The following CSTF3 variants were observed in gnomAD, a reference collection of about 807,000 sequenced individuals.
CSTF3 encodes cleavage stimulation factor subunit 3, also known as CF-1 77 kDa subunit.
A neutral mutation model predicts 105.8 loss-of-function variants in CSTF3; 29 were observed. The observed-to-expected ratio is 0.27, with a 90% CI of 0.20 to 0.37. The LOEUF (loss-of-function observed/expected upper bound fraction) is 0.37. Among genes scored for constraint, CSTF3 ranks in the 10% least tolerant of loss-of-function variants. The pLI, the probability that CSTF3 is intolerant of heterozygous loss-of-function variation, is 1.00. For missense variants in CSTF3, 357 were observed against 879.3 expected, an observed-to-expected ratio of 0.41 and a Z score of 7.51; for synonymous variants, 252 against 281.9, an observed-to-expected ratio of 0.89 and a Z score of 1.06.
At chr11:33,115,144 G>A (rs983863852) in intron 3 of CSTF3, among the ~76,000 whole-genome samples, 1 of 152,132 alleles carries the variant, frequency 6.6e-6, no homozygotes, top group African/African-American at 2.4e-5. Context: ...CTACTCTAAA[G>A]TATAGCACAT....
intron 5 of CSTF3, among the ~76,000 whole-genome samples, chr11:33,107,480 G>C (rs1251180889): frequency 6.6e-6 from 1 of 152,152 alleles, no homozygotes; most frequent in Admixed American, 6.6e-5. Flanking sequence ...GTATAATTCG[G>C]AGTGGGGATG....
chr11:33,134,973 T>G (rs977410082), intron 3 of CSTF3, among the ~76,000 whole-genome samples: 1 of 152,112 alleles, frequency 6.6e-6, no homozygotes, highest in Non-Finnish European at 1.5e-5. Context: ...TACCAAGATG[T>G]GGCACTCTTG....
chr11:33,132,590 CCTAA>C (rs1855610526), intron 3 of CSTF3, among the ~76,000 whole-genome samples: 2 of 152,098 alleles, frequency 1.3e-5, no homozygotes. Flanking sequence ...ATGCTAATCT[CCTAA>C]CTATTCTGTC....
intron 1 of CSTF3, among the ~76,000 whole-genome samples, chr11:33,150,798 G>A (rs1162928491): frequency 6.6e-6 from 1 of 151,508 alleles, no homozygotes; most frequent in East Asian, 1.9e-4. Context: ...GTTGGTTGCA[G>A]TGAACCAAGA....
At chr11:33,151,686 CATTTT>C (rs1016457103) in intron 1 of CSTF3, among the ~76,000 whole-genome samples, 2 of 152,004 alleles carry the variant, frequency 1.3e-5, no homozygotes, top group African/African-American at 4.8e-5. Flanking sequence ...TTGTGGAGTT[CATTTT>C]GTGTGTTTTC....
intron 3 of CSTF3, among the ~76,000 whole-genome samples, chr11:33,114,351 G>A (rs1855409775): frequency 6.6e-6 from 1 of 152,098 alleles, no homozygotes; most frequent in Non-Finnish European, 1.5e-5. Flanking sequence ...AAATGCTGAT[G>A]TAAGTGCCGA....
chr11:33,113,206 AAAATAAAT>A (rs61101354), intron 3 of CSTF3, among the ~76,000 whole-genome samples: 30,722 of 147,102 alleles, frequency 0.21, 3,828 homozygotes, highest in East Asian at 0.34. Flanking sequence ...ACTTTGTCTC[AAAATAAAT>A]AAATAAATAA....
At chr11:33,156,286 A>G (rs1417669318) in intron 1 of CSTF3, among the ~76,000 whole-genome samples, 1 of 152,134 alleles carries the variant, frequency 6.6e-6, no homozygotes, top group Admixed American at 6.6e-5. Context: ...ATTGTCCAAC[A>G]CACATAGTTG....
At chr11:33,154,170 T>G (rs1849825197) in intron 1 of CSTF3, among the ~76,000 whole-genome samples, 1 of 152,216 alleles carries the variant, frequency 6.6e-6, no homozygotes, top group Non-Finnish European at 1.5e-5. Context: ...AAACGAAGAT[T>G]CTCAGCCCCA....
chr11:33,129,198 T>C (rs1855573690), intron 3 of CSTF3, among the ~76,000 whole-genome samples: 1 of 152,044 alleles, frequency 6.6e-6, no homozygotes, highest in African/African-American at 2.4e-5. Flanking sequence ...CTCAAGTAAT[T>C]CTCCTGCCTC....
chr11:33,107,982 TA>T lies in CSTF3; in HGVS notation c.276del (p.Met93Ter). 6.2e-7 allele frequency: 1 copy of T among 1,606,974 alleles called. No individual in the cohort carries two copies. The highest frequency in any genetic ancestry group is 8.5e-7 in the Non-Finnish European group (1 of 1,175,988). On this transcript the variant is annotated frameshift_variant, in exon 5 of 21. Transcript: ENST00000323959. LOFTEE classifies it high-confidence loss of function. The stretch of plus-strand genomic sequence containing the variant: ...CATAAATCAATGTGCAAAACCTTCA[TA>T]AGGCATCTCTGAAATAGCTTTAAAT... The part of the protein sequence containing the change: ...DKVEKLFQRC[L>X]MKVLHIDLWK...
At chr11:33,091,715 TTTG>T (rs1423391237) in intron 16 of CSTF3, among the ~76,000 whole-genome samples, 3 of 152,126 alleles carry the variant, frequency 2.0e-5, no homozygotes, top group African/African-American at 7.2e-5. Flanking sequence ...AGGTATCTTT[TTTG>T]TTGTTGTTGA....
intron 3 of CSTF3, among the ~76,000 whole-genome samples, chr11:33,123,197 A>G (rs549526995): frequency 6.6e-6 from 1 of 151,778 alleles, no homozygotes; most frequent in Non-Finnish European, 1.5e-5. Flanking sequence ...AAAAAAAAAA[A>G]CAAAAAAATG....
At chr11:33,154,230 C>T (rs140991133) in intron 1 of CSTF3, among the ~76,000 whole-genome samples, 2 of 152,228 alleles carry the variant, frequency 1.3e-5, no homozygotes, top group East Asian at 1.9e-4. Flanking sequence ...ACTTTTATAA[C>T]GCACCTAATT....
chr11:33,144,284 A>G (rs941983104), intron 1 of CSTF3, among the ~76,000 whole-genome samples: 4 of 152,202 alleles, frequency 2.6e-5, no homozygotes, highest in African/African-American at 7.2e-5. Flanking sequence ...ACTGGTAAGC[A>G]TTTACTTATT....
At chr11:33,095,185 C>G (rs925500870) in intron 15 of CSTF3, among the ~76,000 whole-genome samples, 5 of 152,172 alleles carry the variant, frequency 3.3e-5, no homozygotes, top group African/African-American at 1.2e-4. Context: ...CAGGCATAAG[C>G]CACCACGCCC....
intron 3 of CSTF3, among the ~76,000 whole-genome samples, chr11:33,111,822 G>A (rs1179167418): frequency 1.3e-5 from 2 of 152,130 alleles, no homozygotes; most frequent in East Asian, 1.9e-4. Flanking sequence ...TCTCTAGTAC[G>A]TGGCCACTGA....
At chr11:33,133,461 A>T (rs1473105450) in intron 3 of CSTF3, among the ~76,000 whole-genome samples, 1 of 152,250 alleles carries the variant, frequency 6.6e-6, no homozygotes, top group Non-Finnish European at 1.5e-5. Context: ...ACAAATGAAC[A>T]TTACTACGCC....
intron 15 of CSTF3, among the ~76,000 whole-genome samples, chr11:33,093,198 T>C (rs897164483): frequency 3.3e-5 from 5 of 152,228 alleles, no homozygotes; most frequent in African/African-American, 1.2e-4. Flanking sequence ...AAATTAAATA[T>C]ATTAGACCAA....
Sources: allele counts gnomAD v4.1 joint callset (sites outside exome capture counted in the v4.1 genomes callset), GRCh38; gene constraint gnomAD v4.1.1; transcripts MANE v1.5; gene names NCBI Gene and HGNC (gene_info 2026-07-23, HGNC 2026-07-21).